CLSTN2: variants seen among roughly 807,000 people sequenced by gnomAD.
CLSTN2 encodes calsyntenin 2.
CLSTN2 carries 48 observed loss-of-function variants against 101.2 expected under a neutral mutation model. The observed-to-expected ratio is 0.47, with a 90% CI of 0.38 to 0.60. CLSTN2 has a LOEUF of 0.60. Among genes scored for constraint, CLSTN2 ranks in the 20% least tolerant of loss-of-function variants. The probability of loss-of-function intolerance (pLI) is 0.00; values close to 1 mark genes in which losing one functional copy is unlikely to be tolerated. For missense variants in CLSTN2, 1,160 were observed against 1,238.2 expected (o/e 0.94, Z 0.95); for synonymous variants, 481 against 463.6 (o/e 1.04, Z -0.48).
intron 1 of CLSTN2, among the ~76,000 whole-genome samples, chr3:140,056,568 A>C (rs1191472212): frequency 6.6e-6 from 1 of 152,176 alleles, no homozygotes; most frequent in Admixed American, 6.5e-5. Context: ...TTAATGGCCA[A>C]AACATGAACT....
chr3:140,318,864 T>G (rs965124430), intron 2 of CLSTN2, among the ~76,000 whole-genome samples: 1 of 152,146 alleles, frequency 6.6e-6, no homozygotes, highest in African/African-American at 2.4e-5. Context: ...AAAATAATTA[T>G]TATAAGTAAT....
At chr3:140,145,904 A>G (rs1256175390) in intron 1 of CLSTN2, among the ~76,000 whole-genome samples, 5 of 152,234 alleles carry the variant, frequency 3.3e-5, no homozygotes, top group African/African-American at 9.6e-5. Context: ...ATCATTGTCT[A>G]TGAGTGAGAC....
intron 8 of CLSTN2, among the ~76,000 whole-genome samples, chr3:140,482,076 G>A (rs1352761254): frequency 1.3e-5 from 2 of 152,124 alleles, no homozygotes; most frequent in Non-Finnish European, 2.9e-5. Flanking sequence ...TATGATATTG[G>A]CTGTGGGTTT....
At chr3:140,116,883 A>G (rs2009252688) in intron 1 of CLSTN2, among the ~76,000 whole-genome samples, 1 of 152,166 alleles carries the variant, frequency 6.6e-6, no homozygotes. Flanking sequence ...AGCAAAGTGC[A>G]CTGAGTGCTT....
intron 1 of CLSTN2, among the ~76,000 whole-genome samples, chr3:140,153,563 G>A (rs746063490): frequency 6.6e-4 from 100 of 152,354 alleles, no homozygotes; most frequent in Non-Finnish European, 8.1e-4. Context: ...AGTGGGGGAC[G>A]GGGTGGTGAA....
chr3:140,506,240 C>G (rs1028917066), intron 8 of CLSTN2: 1 of 152,182 alleles, frequency 6.6e-6, no homozygotes, highest in African/African-American at 2.4e-5. Context: ...CTCATTCCTC[C>G]CATTAATCTT....
chr3:140,034,607 C>T (rs2007620368), intron 1 of CLSTN2, among the ~76,000 whole-genome samples: 1 of 152,152 alleles, frequency 6.6e-6, no homozygotes, highest in African/African-American at 2.4e-5. Flanking sequence ...CCCTGCCTTC[C>T]TCTCTTTTGC....
At position 140,217,222 on chromosome 3, in the gene CLSTN2, C is replaced by T. The variant is rs577400113; in HGVS notation, c.232+41149C>T. On this transcript the variant is annotated intron_variant, in intron 2 of 16. Coordinates refer to ENST00000458420, the MANE Select transcript of CLSTN2 (RefSeq NM_022131.3). ...GGTTACATCTACCAGTGTAGTTTCA[C>T]ATCCTTAGAGAACAGTTTATTTTTA... 1.1e-4 allele frequency among the ~76,000 whole-genome samples: 16 copies of T among 149,854 alleles called. No individual in the cohort carries two copies. In the East Asian group the frequency reaches 2.2e-3, roughly 20 times the overall value.
chr3:140,385,417 G>T (rs950952551), intron 2 of CLSTN2, among the ~76,000 whole-genome samples: 1 of 142,942 alleles, frequency 7.0e-6, no homozygotes, highest in Non-Finnish European at 1.5e-5. Context: ...CGCCCAGGCT[G>T]GAGTGCAGTG....
At chr3:139,968,405 C>T (rs1208143868) in intron 1 of CLSTN2, among the ~76,000 whole-genome samples, 2 of 152,234 alleles carry the variant, frequency 1.3e-5, no homozygotes, top group Non-Finnish European at 2.9e-5. Flanking sequence ...CTACCACCTT[C>T]AGAGGTGAAC....
rs1240690741 is a variant in CLSTN2 at position 140,061,149 on chromosome 3, T to C, written c.110-114802T>C. Among the ~76,000 whole-genome samples the C allele has an allele frequency of 4.6e-5, 7 of 152,360 alleles. No individual in the cohort carries two copies. The South Asian group carries it at 1.4e-3, about 32-fold the overall frequency. The stretch of plus-strand genomic sequence containing the variant: ...TTCTCAATTCACATGGAAATACTAA[T>C]GTTGGTCATTTTCTCAAAGTGAGCT... On this transcript the variant is annotated intron_variant, in intron 1 of 16. Coordinates refer to ENST00000458420, the MANE Select transcript of CLSTN2 (RefSeq NM_022131.3).
intron 2 of CLSTN2, among the ~76,000 whole-genome samples, chr3:140,396,722 T>C (rs1009988524): frequency 1.3e-5 from 2 of 152,182 alleles, no homozygotes; most frequent in Non-Finnish European, 1.5e-5. Flanking sequence ...CAATTTATTA[T>C]GTGGACATGC....
chr3:140,329,996 T>C (rs1048685000), intron 2 of CLSTN2, among the ~76,000 whole-genome samples: 1 of 152,168 alleles, frequency 6.6e-6, no homozygotes, highest in Non-Finnish European at 1.5e-5. Flanking sequence ...AGCACCTTTA[T>C]TGTTTAGGGC....
intron 2 of CLSTN2, among the ~76,000 whole-genome samples, chr3:140,239,923 GTATA>G (rs1329736940): frequency 2.2e-4 from 3 of 13,872 alleles, no homozygotes; most frequent in African/African-American, 3.2e-4. Context: ...TCATATTTAT[GTATA>G]TATATGTGTA....
At chr3:140,177,716 C>T (rs2010346487) in intron 2 of CLSTN2, among the ~76,000 whole-genome samples, 2 of 152,082 alleles carry the variant, frequency 1.3e-5, no homozygotes, top group South Asian at 4.1e-4. Flanking sequence ...TCGCTTGACT[C>T]AAGGAATTTT....
intron 1 of CLSTN2, among the ~76,000 whole-genome samples, chr3:140,052,832 T>C (rs1353712375): frequency 6.6e-6 from 1 of 152,232 alleles, no homozygotes; most frequent in Non-Finnish European, 1.5e-5. Context: ...TGTGTGGTCT[T>C]GGGCACATTA....
chr3:140,054,859 A>C (rs1236619068), intron 1 of CLSTN2, among the ~76,000 whole-genome samples: 1 of 152,202 alleles, frequency 6.6e-6, no homozygotes, highest in Non-Finnish European at 1.5e-5. Flanking sequence ...AAGAGGCACT[A>C]TGCCTATCGG....
chr3:140,017,621 T>C (rs1337492468), intron 1 of CLSTN2, among the ~76,000 whole-genome samples: 3 of 152,182 alleles, frequency 2.0e-5, no homozygotes, highest in African/African-American at 7.2e-5. Context: ...CTCAAGGCAC[T>C]GTGTGGGATT....
chr3:140,251,829 T>G (rs1024182003), intron 2 of CLSTN2, among the ~76,000 whole-genome samples: 1 of 151,948 alleles, frequency 6.6e-6, no homozygotes, highest in Non-Finnish European at 1.5e-5. Context: ...TTGAGTACTC[T>G]GAGGAAGTGG....
Sources: gnomAD v4.1 joint callset for allele counts (sites outside exome capture counted in the v4.1 genomes callset) on GRCh38, gnomAD v4.1.1 for gene constraint, MANE v1.5 for transcripts, NCBI Gene and HGNC (gene_info 2026-07-23, HGNC 2026-07-21) for gene names.